NUP85: variants seen among roughly 807,000 people sequenced by gnomAD.
NUP85 encodes the protein nucleoporin 85, also known as nuclear pore complex protein Nup85.
A neutral mutation model predicts 92.8 loss-of-function variants in NUP85; 23 were observed. That is an observed-to-expected ratio of 0.25 (90% CI 0.18 to 0.35). The LOEUF is 0.35. NUP85 is among the 10% of genes least tolerant of loss of function. The pLI is 1.00. For synonymous variants in NUP85, 314 were observed against 306.9 expected (o/e 1.02, Z -0.24); for missense variants, 759 against 822.8 (o/e 0.92, Z 0.95).
rs1053976355 is a variant in NUP85, at chr17:75,231,510, G to C, written c.1179-63G>C. ...AACTGAATGCCTGAAAGGGAGGTTG[G>C]GCTAAGGGGGCCCTGAACAGGGCAG... On this transcript the variant is annotated intron_variant, in intron 12 of 18. Coordinates refer to ENST00000245544, the MANE Select transcript of NUP85 (RefSeq NM_024844.5). The surrounding 1 kb of genome is among the most constrained non-coding windows in gnomAD (Gnocchi z 4.6). The C allele has an allele frequency of 1.9e-6, 3 of 1,610,346 alleles. No homozygotes were observed. The highest frequency in any genetic ancestry group is 2.7e-5 in the African/African-American group (2 of 74,952).
chr17:75,211,003 GTT>G (rs11403555), intron 3 of NUP85, among the ~76,000 whole-genome samples: 2 of 111,666 alleles, frequency 1.8e-5, no homozygotes, highest in Non-Finnish European at 1.7e-5. Context: ...GCCTGGCCCT[GTT>G]TTTTTTTTTT....
At chr17:75,225,918 C>G in intron 10 of NUP85, 89 bp downstream of exon 10, 1 of 1,595,796 alleles carries the variant, frequency 6.3e-7, no homozygotes. Flanking sequence ...CCCTGAGGAA[C>G]AGGAAGACCC....
chr17:75,233,630 ACT>A (rs1162956261), intron 16 of NUP85, among the ~76,000 whole-genome samples: 1 of 146,212 alleles, frequency 6.8e-6, no homozygotes, highest in Non-Finnish European at 1.5e-5. Flanking sequence ...ACAGAGTCTC[ACT>A]CTGTCACCCG....
Position 75,235,093 on chromosome 17 carries a change from T to C in NUP85, c.1768-7T>C. The C allele has an allele frequency of 6.2e-7, 1 of 1,612,222 alleles. No individual in the cohort carries two copies. Reference sequence around the variant, plus strand: ...GGCAGCCAAGCAAGGCAGGCTCTCTTCCCTAGGTGATTTTCTCAGCAGAAC... The same window carrying C: ...GGCAGCCAAGCAAGGCAGGCTCTCTCCCCTAGGTGATTTTCTCAGCAGAAC... On this transcript the variant is annotated splice_region_variant and splice_polypyrimidine_tract_variant and intron_variant, in intron 17 of 18. Transcript: ENST00000245544.
chr17:75,218,696 G>A (rs1008926444), intron 7 of NUP85, among the ~76,000 whole-genome samples: 2 of 147,786 alleles, frequency 1.4e-5, no homozygotes, highest in African/African-American at 5.0e-5. Flanking sequence ...CTTGAGCCCA[G>A]GAGTTTGAGA....
intron 18 of NUP85, 156 bp downstream of exon 18, chr17:75,235,357 G>A (rs2076291172): frequency 1.6e-6 from 1 of 621,902 alleles, no homozygotes; most frequent in Non-Finnish European, 2.8e-6. Context: ...CTTCTTTTAG[G>A]AGAAAATCAG....
intron 15 of NUP85, 32 bp downstream of exon 15, chr17:75,233,000 CTGGGTGGTTGAGG>C: frequency 3.7e-6 from 6 of 1,613,166 alleles, no homozygotes; most frequent in Non-Finnish European, 5.1e-6. Context: ...TTCCCAGGGA[CTGGGTGGTTGAGG>C]TGGGCCTGAG....
At chr17:75,232,423 A>T (rs1225506172) in intron 14 of NUP85, among the ~76,000 whole-genome samples, 1 of 152,168 alleles carries the variant, frequency 6.6e-6, no homozygotes, top group Admixed American at 6.5e-5. Flanking sequence ...TGTAAACATG[A>T]GTTATTACCC....
In NUP85 at chr17:75,232,857, G is replaced by A; in HGVS notation, c.1403G>A (p.Ser468Asn). Residue 468 changes from serine (S) to asparagine (N), a missense_variant, in exon 15 of 19, where the codon AGC (serine) becomes AAC (asparagine). Transcript: ENST00000245544. ...TTTCTTTTCCCCTGCAAAGTTCGCA[G>A]CATTTGTAAGATCTTAGCCATGAAA... Reference protein sequence around the residue: ...EQRQMTEQVRSICKILAMKAV... With the variant: ...EQRQMTEQVRNICKILAMKAV... 6 of 1,614,106 alleles carry A rather than the reference G, an allele frequency of 3.7e-6. No homozygotes were observed. The highest frequency in any genetic ancestry group is 5.1e-6 in the Non-Finnish European group (6 of 1,179,960).
chr17:75,210,685 A>C (rs2075228845), intron 3 of NUP85, among the ~76,000 whole-genome samples: 1 of 152,114 alleles, frequency 6.6e-6, no homozygotes, highest in South Asian at 2.1e-4. Flanking sequence ...GAGTGTGTGC[A>C]AGAGTGATTA....
intron 14 of NUP85, 109 bp from the exon 15 acceptor site, chr17:75,232,742 T>G: frequency 1.1e-6 from 1 of 893,178 alleles, no homozygotes; most frequent in South Asian, 1.3e-5. Context: ...GCCCAAAGAG[T>G]GGCTCTGCGG....
At chr17:75,225,527 C>T in intron 9 of NUP85, 63 bp downstream of exon 9, 1 of 1,588,960 alleles carries the variant, frequency 6.3e-7, no homozygotes, top group Non-Finnish European at 8.6e-7. Context: ...GCATCCAGTG[C>T]AGCAGTGGCA....
At chr17:75,206,050 C>T (rs2075069001) in intron 1 of NUP85, among the ~76,000 whole-genome samples, 2 of 152,046 alleles carry the variant, frequency 1.3e-5, no homozygotes, top group Admixed American at 1.3e-4. Flanking sequence ...CTTTGTGTTC[C>T]TGGCCTTTTT....
chr17:75,231,269 C>A lies in NUP85; in HGVS notation c.1095-71C>A. ...GGGACAGGACATGTGGGGTTTCTTG[C>A]TCACCCCCACTCTTGTGGGACGCGG... is the stretch of plus-strand genomic sequence containing the variant. On this transcript the variant is annotated intron_variant, in intron 11 of 18. Transcript: ENST00000245544. This position sits in a 1 kb window ranked among gnomAD's most constrained non-coding sequence, Gnocchi z 4.6. 2 of 1,434,702 alleles carry A rather than the reference C, an allele frequency of 1.4e-6. No homozygotes were observed. The highest frequency in any genetic ancestry group is 9.8e-7 in the Non-Finnish European group (1 of 1,019,006). The allele number at this position is 1,434,702 out of a possible 1,614,324, so 88.9% of individuals were successfully genotyped here.
intron 5 of NUP85, among the ~76,000 whole-genome samples, chr17:75,215,285 A>T (rs1177220794): frequency 6.6e-6 from 1 of 152,156 alleles, no homozygotes; most frequent in Non-Finnish European, 1.5e-5. Flanking sequence ...ATTATGGCTC[A>T]CTCAGACTCA....
rs1321660660 is a variant in NUP85 at position 75,208,348 on chromosome 17, G to A, written c.34-179G>A. On this transcript the variant is annotated intron_variant, in intron 1 of 18. Transcript: ENST00000245544. The stretch of plus-strand genomic sequence containing the variant: ...TAGTCCCAGCTACTCAGGAGGTTGA[G>A]GCAGGAGAAGCCTTTGAACCCAGGA... 12 of 599,988 alleles carry A rather than the reference G, an allele frequency of 2.0e-5. No homozygotes were observed. The East Asian group carries it at 3.1e-4, about 15-fold the overall frequency. The allele number at this position is 599,988 out of a possible 1,614,324, so 37.2% of individuals were successfully genotyped here.
rs2075784227 is a variant in NUP85, at chr17:75,226,105, A to G, written c.1042A>G (p.Ile348Val). 24 of 1,613,982 alleles carry G rather than the reference A, an allele frequency of 1.5e-5. No homozygotes were observed. The highest frequency in any genetic ancestry group is 1.9e-5 in the Non-Finnish European group (22 of 1,180,014). The change falls in exon 11 of 19, where the codon ATC (isoleucine) becomes GTC (valine). Residue 348 changes from isoleucine (I) to valine (V), a missense_variant. Ile to Val is a conservative substitution (Grantham distance 29). Coordinates refer to ENST00000245544, the MANE Select transcript of NUP85 (RefSeq NM_024844.5). ...GAGCAGCCCAGAACCCCTGGACAAC[A>G]TCTTGTTGGCAGCCTTTGAGTTTGA... ...GESSPEPLDN[I>V]LLAAFEFDIH...
rs1370935549 is a variant in NUP85, at chr17:75,228,530, AGT to A, written c.1094+2377_1094+2378del. The A allele has an allele frequency of 4.1e-6, 4 of 985,248 alleles. No individual in the cohort carries two copies. The East Asian group carries it at 4.5e-4, about 112-fold the overall frequency. The allele number at this position is 985,248 out of a possible 1,614,324, so 61.0% of individuals were successfully genotyped here. ...TTCAGAGGCAGTAGCAGTTTTAGGA[AGT>A]GTGCCCTCCTGGCTCTGGGGAAAGG... On this transcript the variant is annotated intron_variant, in intron 11 of 18. Coordinates refer to ENST00000245544, the MANE Select transcript of NUP85 (RefSeq NM_024844.5).
rs2076128957 is a variant in NUP85 at position 75,232,845 on chromosome 17, G to A, written c.1397-6G>A. On this transcript the variant is annotated splice_polypyrimidine_tract_variant and splice_region_variant and intron_variant, in intron 14 of 18. Transcript: ENST00000245544. ...AGCCGTTTACCTTTTCTTTTCCCCT[G>A]CAAAGTTCGCAGCATTTGTAAGATC... The A allele has an allele frequency of 1.2e-6, 2 of 1,613,178 alleles. No individual in the cohort carries two copies. The highest frequency in any genetic ancestry group is 1.3e-5 in the African/African-American group (1 of 74,914).
Sources: gnomAD v4.1 joint callset for allele counts (sites outside exome capture counted in the v4.1 genomes callset) on GRCh38, gnomAD v4.1.1 for gene constraint, Gnocchi (gnomAD v3.1) non-coding constraint, MANE v1.5 for transcripts, NCBI Gene and HGNC (gene_info 2026-07-23, HGNC 2026-07-21) for gene names.